The following ANKRD12 variants were observed in gnomAD, a reference collection of about 807,000 sequenced individuals.
ANKRD12 encodes ankyrin repeat domain-containing protein 12.
A neutral mutation model predicts 183.4 loss-of-function variants in ANKRD12; 85 were observed. The observed-to-expected ratio is 0.46, with a 90% CI of 0.39 to 0.56. ANKRD12 has a LOEUF of 0.56. Ranked by LOEUF, ANKRD12 falls within the 20% of genes least tolerant of loss-of-function variation. ANKRD12 has a pLI of 0.00. For synonymous variants in ANKRD12, 914 were observed against 800.2 expected, an observed-to-expected ratio of 1.14 and a Z score of -2.40; for missense variants, 2,405 against 2,357.1, an observed-to-expected ratio of 1.02 and a Z score of -0.42.
chr18:9,248,477 T>A (rs1348243459), intron 8 of ANKRD12, among the ~76,000 whole-genome samples: 5 of 152,248 alleles, frequency 3.3e-5, no homozygotes, highest in Non-Finnish European at 5.9e-5. Flanking sequence ...GTTCTTTAAT[T>A]TTCCTCTGCT....
At chr18:9,248,159 A>G (rs1239441512) in intron 8 of ANKRD12, among the ~76,000 whole-genome samples, 1 of 152,196 alleles carries the variant, frequency 6.6e-6, no homozygotes, top group East Asian at 1.9e-4. Flanking sequence ...GTTTACCTGT[A>G]GTGATTTGAA....
At chr18:9,223,342 C>G (rs374029362) in intron 8 of ANKRD12, among the ~76,000 whole-genome samples, 2 of 151,824 alleles carry the variant, frequency 1.3e-5, no homozygotes, top group African/African-American at 4.8e-5. Flanking sequence ...CAAGCTCCGC[C>G]TCCCGGGTTC....
Position 9,257,090 on chromosome 18 carries a change from C to T in ANKRD12, c.3823C>T (p.Pro1275Ser), listed in dbSNP as rs780639784. The change falls in exon 9 of 13, where the codon CCA (proline) becomes TCA (serine). Residue 1275 changes from proline (P) to serine (S), a missense_variant. Pro to Ser is a moderately conservative substitution (Grantham distance 74). Transcript: ENST00000262126. ...SLADLPERIK[P>S]PYANRLSTSH... ...GGCTGACTTGCCGGAGCGGATTAAA[C>T]CACCATATGCAAACAGACTTTCAAC... 6 of 1,614,122 alleles carry T rather than the reference C, an allele frequency of 3.7e-6. No individual in the cohort carries two copies. The South Asian group carries it at 6.6e-5, about 18-fold the overall frequency.
chr18:9,241,958 C>T lies in ANKRD12; in HGVS notation c.944-12253C>T, dbSNP rs76414456. Among the ~76,000 whole-genome samples, 830 of 150,094 alleles carry T rather than the reference C, an allele frequency of 5.5e-3. 14 individuals carry two copies. The highest frequency in any genetic ancestry group is 0.019 in the African/African-American group (776 of 40,822). On this transcript the variant is annotated intron_variant, in intron 8 of 12. Coordinates refer to ENST00000262126, the MANE Select transcript of ANKRD12 (RefSeq NM_015208.5). ...CTAGAGGAAAAAAGGAAAGAAATTG[C>T]GAATACCTAAATTAACATACACTGT...
At chr18:9,178,321 TTCTCTC>T (rs1555612825) in intron 1 of ANKRD12, among the ~76,000 whole-genome samples, 4 of 69,084 alleles carry the variant, frequency 5.8e-5, no homozygotes, top group African/African-American at 9.6e-5. Context: ...AGGATCAAGA[TTCTCTC>T]TCTCTCTCTC....
intron 10 of ANKRD12, 124 bp downstream of exon 10, chr18:9,264,012 GT>G: frequency 2.2e-6 from 2 of 921,014 alleles, no homozygotes; most frequent in Non-Finnish European, 3.0e-6. Context: ...AAGTGATTTG[GT>G]TTTATCTTGT....
At chr18:9,269,840 A>G (rs1030232254) in intron 10 of ANKRD12, among the ~76,000 whole-genome samples, 1 of 152,184 alleles carries the variant, frequency 6.6e-6, no homozygotes, top group Non-Finnish European at 1.5e-5. Flanking sequence ...GGCAGCCTAC[A>G]AAATGGGAGA....
chr18:9,265,321 T>C (rs997205213), intron 10 of ANKRD12, among the ~76,000 whole-genome samples: 29 of 152,340 alleles, frequency 1.9e-4, no homozygotes, highest in African/African-American at 6.7e-4. Context: ...ACGGACAGAC[T>C]GCCTTCTCAA....
chr18:9,275,252 C>T (rs1040654365), intron 10 of ANKRD12, among the ~76,000 whole-genome samples: 1 of 152,032 alleles, frequency 6.6e-6, no homozygotes, highest in African/African-American at 2.4e-5. Context: ...ATCACTTGAG[C>T]CCAGGATTTT....
chr18:9,272,561 CAAAAAAA>C (rs879720630), intron 10 of ANKRD12, among the ~76,000 whole-genome samples: 2 of 137,250 alleles, frequency 1.5e-5, no homozygotes, highest in African/African-American at 2.7e-5. Flanking sequence ...GACTCCATCT[CAAAAAAA>C]AAAAGAAAAA....
At chr18:9,248,636 C>T (rs1414108673) in intron 8 of ANKRD12, among the ~76,000 whole-genome samples, 1 of 152,092 alleles carries the variant, frequency 6.6e-6, no homozygotes, top group Non-Finnish European at 1.5e-5. Context: ...ATACAAACAC[C>T]ACTATATAAA....
chr18:9,175,940 C>CA (rs140464708), intron 1 of ANKRD12, among the ~76,000 whole-genome samples: 11,224 of 151,516 alleles, frequency 0.074, 426 homozygotes, highest in African/African-American at 0.084. Context: ...ATTTATGAAC[C>CA]AAAAAAAACT....
intron 1 of ANKRD12, among the ~76,000 whole-genome samples, chr18:9,160,285 A>G (rs1188422642): frequency 6.6e-6 from 1 of 152,032 alleles, no homozygotes; most frequent in Non-Finnish European, 1.5e-5. Flanking sequence ...TGGCTAATTA[A>G]AAAACAATTT....
chr18:9,140,831 A>G (rs1017311157), intron 1 of ANKRD12, among the ~76,000 whole-genome samples: 9 of 151,004 alleles, frequency 6.0e-5, no homozygotes, highest in Non-Finnish European at 1.2e-4. Context: ...AAATAAAGGT[A>G]CTAATAATCA....
chr18:9,209,893 C>G (rs1162296156), intron 5 of ANKRD12, among the ~76,000 whole-genome samples: 2 of 152,154 alleles, frequency 1.3e-5, no homozygotes, highest in Admixed American at 1.3e-4. Context: ...AAAAGTCTTT[C>G]ATCTCCAATC....
chr18:9,280,717 A>T (rs2040073279), intron 12 of ANKRD12, among the ~76,000 whole-genome samples: 1 of 152,046 alleles, frequency 6.6e-6, no homozygotes, highest in African/African-American at 2.4e-5. Context: ...TGAACCCAGG[A>T]GGCGGAGGTT....
chr18:9,154,917 T>C (rs2030176444), intron 1 of ANKRD12, among the ~76,000 whole-genome samples: 1 of 152,202 alleles, frequency 6.6e-6, no homozygotes, highest in Non-Finnish European at 1.5e-5. Flanking sequence ...AGTGGGTATT[T>C]ACATACACAA....
intron 1 of ANKRD12, among the ~76,000 whole-genome samples, chr18:9,148,333 C>T (rs202118853): frequency 5.3e-5 from 8 of 152,000 alleles, no homozygotes; most frequent in South Asian, 4.2e-4. Flanking sequence ...TACACACACA[C>T]GTATGTATGT....
At chr18:9,232,868 A>G (rs6506646) in intron 8 of ANKRD12, among the ~76,000 whole-genome samples, 119,967 of 151,284 alleles carry the variant, frequency 0.79, 47,735 homozygotes, top group Middle Eastern at 0.88. Context: ...GTTGTTGTTT[A>G]AGACAGAATC....
Sources: allele counts gnomAD v4.1 joint callset (sites outside exome capture counted in the v4.1 genomes callset), GRCh38; gene constraint gnomAD v4.1.1; transcripts MANE v1.5; gene names NCBI Gene and HGNC (gene_info 2026-07-23, HGNC 2026-07-21).